CHAF1B: variants seen among roughly 807,000 people sequenced by gnomAD.
The protein encoded by CHAF1B is chromatin assembly factor 1 subunit B, also known as CAF-1 subunit B.
In CHAF1B, 10 loss-of-function variants were observed where a neutral mutation model predicts 60.7. The observed-to-expected ratio is 0.16, with a 90% confidence interval of 0.10 to 0.28. The LOEUF is 0.28. Among genes scored for constraint, CHAF1B ranks in the 10% least tolerant of loss-of-function variants. The pLI is 1.00. For missense variants in CHAF1B, 558 were observed against 708.4 expected (o/e 0.79, Z 2.41); for synonymous variants, 261 against 266.1 (o/e 0.98, Z 0.19).
chr21:36,402,925 T>G, intron 8 of CHAF1B, 74 bp downstream of exon 8: 1 of 1,224,746 alleles, frequency 8.2e-7, no homozygotes, highest in East Asian at 2.3e-5. Flanking sequence ...ACGCTGCAGC[T>G]TATCAGCTCA....
At chr21:36,391,463 C>CG in intron 3 of CHAF1B, 88 bp from the exon 4 acceptor site, 2 of 511,608 alleles carry the variant, frequency 3.9e-6, no homozygotes, top group East Asian at 9.0e-5. Flanking sequence ...GACTCCGTCT[C>CG]AAAAAAAAAA....
rs189165739 is a variant in CHAF1B, at chr21:36,414,765, C to T, written c.1494-530C>T. On this transcript the variant is annotated intron_variant, in intron 12 of 13. Coordinates refer to ENST00000314103, the MANE Select transcript of CHAF1B (RefSeq NM_005441.3). ...TAGCTGGGATTACAGGCATGCGCCA[C>T]CATGCCTGGCTGACTTTTTGCATTT... Among the ~76,000 whole-genome samples, 121 of 152,224 alleles carry T rather than the reference C, an allele frequency of 7.9e-4. 1 individual carries two copies. The highest frequency in any genetic ancestry group is 2.6e-4 in the Non-Finnish European group (18 of 68,024).
At chr21:36,408,178 C>T (rs972353020) in intron 8 of CHAF1B, among the ~76,000 whole-genome samples, 2 of 152,096 alleles carry the variant, frequency 1.3e-5, no homozygotes, top group African/African-American at 2.4e-5. Context: ...TCTGACAGGG[C>T]TGAACTGTTT....
Position 36,416,445 on chromosome 21 carries a change from C to A in CHAF1B, c.*79C>A. On this transcript the variant is annotated 3_prime_UTR_variant, in exon 14 of 14. Coordinates refer to ENST00000314103, the MANE Select transcript of CHAF1B (RefSeq NM_005441.3). The stretch of plus-strand genomic sequence containing the variant: ...ACGGTAAAGCTGGAGGTGCCTGAGA[C>A]CAGGGCTTCCATGGAGCGGGACACA... The A allele has an allele frequency of 8.9e-7, 1 of 1,126,798 alleles. No individual in the cohort carries two copies. Among genetic ancestry groups the A allele is most frequent in the Non-Finnish European group, 1.3e-6 (1 of 774,982 alleles). The allele number at this position is 1,126,798 out of a possible 1,614,324, so 69.8% of individuals were successfully genotyped here.
At chr21:36,399,767 G>T (rs895643482) in intron 7 of CHAF1B, among the ~76,000 whole-genome samples, 162 bp downstream of exon 7, 15 of 152,182 alleles carry the variant, frequency 9.9e-5, no homozygotes, top group African/African-American at 3.1e-4. Context: ...AGTTACTGTG[G>T]TGGGCTAGTC....
At chr21:36,391,754 C>A in intron 4 of CHAF1B, 86 bp downstream of exon 4, 1 of 875,196 alleles carries the variant, frequency 1.1e-6, no homozygotes, top group South Asian at 1.4e-5. Context: ...TTTTTCTTTT[C>A]TTTTGAGATA....
In CHAF1B at chr21:36,415,351, G is replaced by C; in HGVS notation, c.1550G>C (p.Ser517Thr). ...ACTCCACCAAGTTCTGTACCAACCA[G>C]TGTGATTTCCACCCCTTCTACAGAA... ...TDTPPSSVPT[S>T]VISTPSTEEI... is the part of the protein sequence containing the mutation. Residue 517 changes from serine to threonine, a missense_variant, in exon 13 of 14, where the codon AGT (serine) becomes ACT (threonine). By Grantham distance (58) the Ser-to-Thr change is moderately conservative (BLOSUM62 1). Around this residue, in one of 2 missense-constraint regions of CHAF1B, gnomAD observed 233 missense variants for 214.9 expected, o/e 1.08. Transcript: ENST00000314103. 2.5e-6 allele frequency: 4 copies of C among 1,612,038 alleles called. No individual in the cohort carries two copies. Among genetic ancestry groups the C allele is most frequent in the Non-Finnish European group, 3.4e-6 (4 of 1,178,268 alleles).
intron 13 of CHAF1B, chr21:36,415,748 C>CTTTT: frequency 1.9e-5 from 7 of 360,308 alleles, no homozygotes; most frequent in East Asian, 8.2e-5. Context: ...CCATGACATT[C>CTTTT]TTTTTTTTTT....
At chr21:36,385,956 A>C (rs980781392) in intron 1 of CHAF1B, 104 bp from the exon 2 acceptor site, 59 of 633,126 alleles carry the variant, frequency 9.3e-5, no homozygotes, top group Admixed American at 1.8e-4. Flanking sequence ...GGCAACGTTA[A>C]CATCCTTTCC....
chr21:36,405,855 A>C (rs1294728326), intron 8 of CHAF1B, among the ~76,000 whole-genome samples: 1 of 152,140 alleles, frequency 6.6e-6, no homozygotes, highest in East Asian at 1.9e-4. Context: ...TTAACATACT[A>C]ATTTCATTTC....
chr21:36,387,304 C>T (rs1344683530), intron 2 of CHAF1B, among the ~76,000 whole-genome samples: 1 of 149,812 alleles, frequency 6.7e-6, no homozygotes, highest in East Asian at 2.0e-4. Flanking sequence ...CTCAGTGCAG[C>T]CCCGACCCGG....
chr21:36,404,248 G>A (rs2086216829), intron 8 of CHAF1B, among the ~76,000 whole-genome samples: 2 of 150,964 alleles, frequency 1.3e-5, no homozygotes, highest in South Asian at 4.2e-4. Flanking sequence ...TTACAGGTGT[G>A]CGCCACCACT....
chr21:36,412,903 C>CTGGCCA lies in CHAF1B; in HGVS notation c.1083_1088dup (p.Ala362_Ile363insMetAla). The CTGGCCA allele has an allele frequency of 6.2e-7, 1 of 1,613,860 alleles. No homozygotes were observed. Among genetic ancestry groups the CTGGCCA allele is most frequent in the Non-Finnish European group, 8.5e-7 (1 of 1,179,872 alleles). On this transcript the variant is annotated inframe_insertion, in exon 12 of 14. Transcript: ENST00000314103. ...ACGAAGGTCCAGCGATGGTGCCTTC[C>CTGGCCA]TGGCCATTTCTTCCACGGACGGTTA... is the stretch of plus-strand genomic sequence containing the variant.
chr21:36,390,797 G>A (rs970855388), intron 3 of CHAF1B, among the ~76,000 whole-genome samples: 8 of 152,066 alleles, frequency 5.3e-5, no homozygotes, highest in African/African-American at 1.9e-4. Flanking sequence ...TGGGACCAGA[G>A]GTGTGTGCCA....
At position 36,408,910 on chromosome 21, in the gene CHAF1B, A is replaced by G. The variant is rs532130064; in HGVS notation, c.827+80A>G. ...GCTCTTGTTGCCCAGGCTGGAGTGC[A>G]ATGGTGCGATCTCTGCTCACTGCAA... On this transcript the variant is annotated intron_variant, in intron 9 of 13. Transcript: ENST00000314103. 3.0e-6 allele frequency: 3 copies of G among 985,938 alleles called. No individual in the cohort carries two copies. The South Asian group carries it at 4.1e-5, about 13-fold the overall frequency. The allele number at this position is 985,938 out of a possible 1,614,324, so 61.1% of individuals were successfully genotyped here.
chr21:36,411,782 G>A (rs1051659330), intron 11 of CHAF1B, among the ~76,000 whole-genome samples, 178 bp downstream of exon 11: 5 of 152,076 alleles, frequency 3.3e-5, no homozygotes, highest in African/African-American at 9.7e-5. Flanking sequence ...GGGCTGGAGT[G>A]CAGTGGTGTG....
intron 7 of CHAF1B, 60 bp downstream of exon 7, chr21:36,399,665 G>A (rs2086171269): frequency 1.5e-6 from 2 of 1,363,650 alleles, no homozygotes; most frequent in Admixed American, 3.4e-5. Context: ...AGGAAGTCAT[G>A]AGCTCCTCCC....
At chr21:36,403,875 T>C (rs1261054875) in intron 8 of CHAF1B, among the ~76,000 whole-genome samples, 1 of 152,144 alleles carries the variant, frequency 6.6e-6, no homozygotes, top group Non-Finnish European at 1.5e-5. Flanking sequence ...GGGCACTGTC[T>C]TGGTTTGCCA....
In CHAF1B at chr21:36,411,457, C is replaced by T. The variant is rs2086277567; in HGVS notation, c.920-6C>T. 3 of 1,613,556 alleles carry T rather than the reference C, an allele frequency of 1.9e-6. No individual in the cohort carries two copies. Among genetic ancestry groups the T allele is most frequent in the Non-Finnish European group, 2.5e-6 (3 of 1,179,952 alleles). On this transcript the variant is annotated splice_region_variant and splice_polypyrimidine_tract_variant and intron_variant, in intron 10 of 13. Coordinates refer to ENST00000314103, the MANE Select transcript of CHAF1B (RefSeq NM_005441.3). ...GTTTTACTTTGTCTCTGTCCCCAAC[C>T]CCCAGGTGTGGAGCTGATGAGTCTG...
Sources: allele counts gnomAD v4.1 joint callset (sites outside exome capture counted in the v4.1 genomes callset), GRCh38; gene constraint gnomAD v4.1.1; regional missense constraint gnomAD v4.1.1; transcripts MANE v1.5; gene names NCBI Gene and HGNC (gene_info 2026-07-23, HGNC 2026-07-21).